PKHD1: variants seen among roughly 807,000 people sequenced by gnomAD.
PKHD1 encodes the protein PKHD1 ciliary IPT domain containing fibrocystin/polyductin, also known as fibrocystin.
In PKHD1, 291 loss-of-function variants were observed where a neutral mutation model predicts 412.0. The ratio of observed to expected loss-of-function variants is 0.71; its 90% CI spans 0.64 to 0.78. The LOEUF is 0.78. PKHD1 is among the 30% of genes least tolerant of loss of function. The probability of loss-of-function intolerance (pLI) is 0.00; values close to 1 mark genes in which losing one functional copy is unlikely to be tolerated. For synonymous variants in PKHD1, 1,777 were observed against 1,821.5 expected (o/e 0.98, Z 0.62); for missense variants, 4,825 against 4,950.7 (o/e 0.97, Z 0.76).
chr6:51,795,630 C>A (rs1378601082), intron 52 of PKHD1, among the ~76,000 whole-genome samples: 1 of 152,136 alleles, frequency 6.6e-6, no homozygotes, highest in South Asian at 2.1e-4. Flanking sequence ...GTGCTTCTGG[C>A]TTTTGCCCAT....
chr6:51,837,283 C>A (rs976038398), intron 50 of PKHD1, among the ~76,000 whole-genome samples: 1 of 152,194 alleles, frequency 6.6e-6, no homozygotes, highest in Non-Finnish European at 1.5e-5. Context: ...ACCACTGGAG[C>A]ACCCCTTGTT....
At chr6:51,839,057 T>C (rs1769724510) in intron 50 of PKHD1, among the ~76,000 whole-genome samples, 1 of 152,226 alleles carries the variant, frequency 6.6e-6, no homozygotes, top group Non-Finnish European at 1.5e-5. Context: ...TTTACAGCTG[T>C]ATCTAATCAT....
chr6:52,003,405 T>C (rs778767263), intron 35 of PKHD1, among the ~76,000 whole-genome samples: 115 of 152,276 alleles, frequency 7.6e-4, no homozygotes, highest in Non-Finnish European at 1.5e-3. Flanking sequence ...CTAATGATAG[T>C]GAGCTGTGAA....
chr6:51,679,996 T>C (rs1483974842), intron 60 of PKHD1, among the ~76,000 whole-genome samples: 5 of 151,952 alleles, frequency 3.3e-5, no homozygotes, highest in African/African-American at 1.2e-4. Context: ...TCTAGGCAAA[T>C]AACTTGGCCT....
intron 53 of PKHD1, among the ~76,000 whole-genome samples, chr6:51,776,773 C>A (rs762717836): frequency 1.3e-4 from 19 of 151,960 alleles, no homozygotes; most frequent in Non-Finnish European, 2.1e-4. Context: ...ATTCTTTTAG[C>A]AGCATAAAGA....
chr6:52,045,240 G>T, intron 24 of PKHD1, 152 bp from the exon 25 acceptor site: 1 of 773,758 alleles, frequency 1.3e-6, no homozygotes. Context: ...ATATAGAAAC[G>T]TAACAGTAAA....
intron 55 of PKHD1, among the ~76,000 whole-genome samples, chr6:51,760,545 T>C (rs1309910065): frequency 2.6e-5 from 4 of 152,048 alleles, no homozygotes; most frequent in South Asian, 2.1e-4. Context: ...TAGGAAGTTA[T>C]ACAGTCAAGG....
intron 66 of PKHD1, among the ~76,000 whole-genome samples, chr6:51,624,345 G>C (rs77444784): frequency 0.018 from 2,665 of 152,232 alleles, 39 homozygotes; most frequent in Non-Finnish European, 0.027. Flanking sequence ...ATATGACATG[G>C]ACACATTATT....
intron 50 of PKHD1, among the ~76,000 whole-genome samples, chr6:51,845,721 T>G (rs1200593034): frequency 6.6e-6 from 1 of 152,230 alleles, no homozygotes; most frequent in Non-Finnish European, 1.5e-5. Flanking sequence ...CAGATGTGCA[T>G]TTATACCATA....
rs1802025945 is a variant in PKHD1, at chr6:52,025,563, G to T, written c.4247C>A (p.Ser1416Tyr). 6 of 1,614,052 alleles carry T rather than the reference G, an allele frequency of 3.7e-6. No individual in the cohort carries two copies. The highest frequency in any genetic ancestry group is 5.1e-6 in the Non-Finnish European group (6 of 1,180,038). ...ILTVRGLLLN[S>Y]RRRSVRVDLS... Reference sequence around the variant, plus strand: ...GTCAACCCGAACTGACCTCCTTCTAGAGTTAAGAAGCAACCCCCTCACAGT... The same window carrying T: ...GTCAACCCGAACTGACCTCCTTCTATAGTTAAGAAGCAACCCCCTCACAGT... Residue 1416 changes from serine to tyrosine, a missense_variant, in exon 32 of 67, where the codon TCT becomes TAT. Transcript: ENST00000371117.
chr6:51,887,921 C>T (rs1778474832), intron 43 of PKHD1, among the ~76,000 whole-genome samples: 2 of 152,246 alleles, frequency 1.3e-5, no homozygotes, highest in South Asian at 4.1e-4. Context: ...ACTGGTATCT[C>T]ATGCTCAAGC....
Position 51,649,205 on chromosome 6 carries a change from A to G in PKHD1, c.11190T>C (p.Phe3730=). The G allele has an allele frequency of 6.2e-7, 1 of 1,610,944 alleles. No homozygotes were observed. Among genetic ancestry groups the G allele is most frequent in the Non-Finnish European group, 8.5e-7 (1 of 1,177,222 alleles). Residue 3730 remains phenylalanine (F), a synonymous_variant, in exon 62 of 67, where the codon TTT becomes TTC. Transcript: ENST00000371117. ...GAATATATATCAAGTTCCCAGTTTT[A>G]AAACTGCTTGTATTTCTGACAGATA... ...GVIGYGNTSS[F]KTGNLIYIRP...
chr6:52,034,850 G>T (rs554808714), intron 28 of PKHD1, among the ~76,000 whole-genome samples: 1 of 152,328 alleles, frequency 6.6e-6, no homozygotes, highest in Non-Finnish European at 1.5e-5. Context: ...TAAGGAACTA[G>T]ATGAGATTAA....
intron 32 of PKHD1, 72 bp from the exon 33 acceptor site, chr6:52,023,016 A>G (rs1006513244): frequency 1.3e-6 from 2 of 1,560,398 alleles, no homozygotes; most frequent in African/African-American, 2.7e-5. Context: ...CAAAATTCAA[A>G]CATTTGCTTC....
chr6:51,887,301 GGAAA>G (rs2127557536), intron 43 of PKHD1, 56 bp from the exon 44 acceptor site: 1 of 1,107,516 alleles, frequency 9.0e-7, no homozygotes, highest in Non-Finnish European at 1.4e-6. Flanking sequence ...TAAGGTTGCT[GGAAA>G]GAAAGACTCT....
chr6:51,913,429 G>T (rs769109840), intron 37 of PKHD1, among the ~76,000 whole-genome samples: 5 of 152,146 alleles, frequency 3.3e-5, no homozygotes, highest in Non-Finnish European at 5.9e-5. Flanking sequence ...AATTATCAAA[G>T]ATTCAAGAAG....
intron 53 of PKHD1, 117 bp from the exon 54 acceptor site, chr6:51,776,038 A>G (rs982859771): frequency 4.7e-6 from 3 of 643,572 alleles, no homozygotes; most frequent in Non-Finnish European, 5.6e-6. Context: ...GACTATATGG[A>G]GGAGTCAATG....
chr6:51,896,597 A>C (rs1446554270), intron 43 of PKHD1, among the ~76,000 whole-genome samples: 7 of 152,078 alleles, frequency 4.6e-5, no homozygotes, highest in Non-Finnish European at 7.4e-5. Flanking sequence ...AACTCTAAAA[A>C]GCAGAGCACC....
intron 48 of PKHD1, among the ~76,000 whole-genome samples, chr6:51,860,152 T>C (rs1204802046): frequency 6.6e-6 from 1 of 152,182 alleles, no homozygotes; most frequent in Non-Finnish European, 1.5e-5. Context: ...TTATCATATA[T>C]ACTACACTTT....
Sources: allele counts gnomAD v4.1 joint callset (sites outside exome capture counted in the v4.1 genomes callset), GRCh38; gene constraint gnomAD v4.1.1; transcripts MANE v1.5; gene names NCBI Gene and HGNC (gene_info 2026-07-23, HGNC 2026-07-21).